The following MTHFD2L variants were observed in gnomAD, a reference collection of about 807,000 sequenced individuals.
The protein encoded by MTHFD2L is methylenetetrahydrofolate dehydrogenase (NADP+ dependent) 2 like.
In MTHFD2L, 29 loss-of-function variants were observed where a neutral mutation model predicts 34.9. That is an observed-to-expected ratio of 0.83 (90% CI 0.62 to 1.13). MTHFD2L has a LOEUF of 1.13. Among genes scored for constraint, MTHFD2L ranks in the 50% most tolerant of loss-of-function variants. The probability of loss-of-function intolerance (pLI) is 0.00; values close to 1 mark genes in which losing one functional copy is unlikely to be tolerated. For synonymous variants in MTHFD2L, 167 were observed against 155.7 expected (o/e 1.07, Z -0.54); for missense variants, 481 against 446.5 (o/e 1.08, Z -0.70).
chr4:74,213,290 T>C (rs1317504643), intron 5 of MTHFD2L, among the ~76,000 whole-genome samples: 1 of 152,182 alleles, frequency 6.6e-6, no homozygotes, highest in Admixed American at 6.5e-5. Context: ...TTCTTCATAG[T>C]TTCCATGGTC....
rs183918024 is a variant in MTHFD2L at position 74,275,919 on chromosome 4, T to C, written c.806-5506T>C. Among the ~76,000 whole-genome samples, 6 of 152,318 alleles carry C rather than the reference T, an allele frequency of 3.9e-5. No individual in the cohort carries two copies. The East Asian group carries it at 1.2e-3, about 29-fold the overall frequency. On this transcript the variant is annotated intron_variant, in intron 6 of 7. Coordinates refer to ENST00000325278, the MANE Select transcript of MTHFD2L (RefSeq NM_001144978.3). ...TGTTGCCTGTTCACTCTGATGATAG[T>C]TTCTTTTGCTGTGCAGAAGCACTTT...
chr4:74,177,707 A>G (rs1157730184), intron 3 of MTHFD2L, among the ~76,000 whole-genome samples: 1 of 151,946 alleles, frequency 6.6e-6, no homozygotes. Flanking sequence ...TCAAAAAATT[A>G]AAAATAGAAT....
At chr4:74,175,512 G>A in intron 3 of MTHFD2L, 109 bp downstream of exon 3, 1 of 1,199,316 alleles carries the variant, frequency 8.3e-7, no homozygotes, top group Non-Finnish European at 1.2e-6. Context: ...CATTCAGAAG[G>A]AGACTAGCTA....
At chr4:74,133,273 T>C (rs1384947535) in intron 1 of MTHFD2L, among the ~76,000 whole-genome samples, 1 of 152,202 alleles carries the variant, frequency 6.6e-6, no homozygotes, top group Non-Finnish European at 1.5e-5. Flanking sequence ...AGTTCAATTA[T>C]TATATGCCTT....
chr4:74,292,926 C>T (rs901581327), intron 7 of MTHFD2L, among the ~76,000 whole-genome samples: 10 of 152,018 alleles, frequency 6.6e-5, no homozygotes, highest in Admixed American at 5.9e-4. Context: ...CAATCTCAAA[C>T]TTTCTCCAGG....
At chr4:74,128,021 A>G (rs1722203495) in intron 1 of MTHFD2L, among the ~76,000 whole-genome samples, 2 of 152,026 alleles carry the variant, frequency 1.3e-5, no homozygotes, top group Admixed American at 6.6e-5. Flanking sequence ...TTTTTTTCAT[A>G]TAACTGTTGG....
upstream of MTHFD2L, among the ~76,000 whole-genome samples, chr4:74,125,082 G>A (rs1721978568): frequency 6.6e-6 from 1 of 152,276 alleles, no homozygotes; most frequent in Admixed American, 6.5e-5. Flanking sequence ...ACATTGTGGG[G>A]AGGTAGATAA....
intron 6 of MTHFD2L, among the ~76,000 whole-genome samples, chr4:74,272,591 C>A (rs1468624608): frequency 6.6e-6 from 1 of 151,900 alleles, no homozygotes; most frequent in Non-Finnish European, 1.5e-5. Context: ...GAGTAACTCC[C>A]TGTTCAGGGA....
intron 5 of MTHFD2L, among the ~76,000 whole-genome samples, chr4:74,210,925 G>C (rs868244857): frequency 6.6e-6 from 1 of 151,988 alleles, no homozygotes; most frequent in Non-Finnish European, 1.5e-5. Context: ...TGTATTCCTA[G>C]GTATTTTATT....
chr4:74,132,244 T>C (rs910880416), intron 1 of MTHFD2L, among the ~76,000 whole-genome samples: 5 of 152,300 alleles, frequency 3.3e-5, no homozygotes, highest in Non-Finnish European at 7.3e-5. Context: ...ACTGGATATA[T>C]ACCCAAAGGA....
intron 6 of MTHFD2L, among the ~76,000 whole-genome samples, chr4:74,231,310 C>T (rs566398823): frequency 2.6e-5 from 4 of 152,088 alleles, no homozygotes; most frequent in Non-Finnish European, 5.9e-5. Flanking sequence ...TGTATTTCCT[C>T]CTCCTTGAAA....
intron 1 of MTHFD2L, among the ~76,000 whole-genome samples, chr4:74,172,794 A>T (rs899222145): frequency 6.6e-6 from 1 of 152,202 alleles, no homozygotes; most frequent in Non-Finnish European, 1.5e-5. Flanking sequence ...TTACATCAAA[A>T]TTGCATGAAC....
chr4:74,224,334 C>G (rs775242753), intron 5 of MTHFD2L, among the ~76,000 whole-genome samples: 2 of 152,088 alleles, frequency 1.3e-5, no homozygotes, highest in Non-Finnish European at 2.9e-5. Context: ...TGTCATTCTC[C>G]GCATTTCTTT....
chr4:74,235,213 G>C (rs984772482), intron 6 of MTHFD2L, among the ~76,000 whole-genome samples: 1 of 152,126 alleles, frequency 6.6e-6, no homozygotes, highest in Non-Finnish European at 1.5e-5. Context: ...TTGAATTTTA[G>C]AAAGATCACT....
At chr4:74,121,459 T>C (rs1030440385), upstream of MTHFD2L, among the ~76,000 whole-genome samples, 2 of 150,652 alleles carry the variant, frequency 1.3e-5, no homozygotes, top group Non-Finnish European at 2.9e-5. Context: ...GATTATGGAG[T>C]AGACTGGACA....
At chr4:74,196,702 A>G (rs377184776) in intron 3 of MTHFD2L, among the ~76,000 whole-genome samples, 1 of 152,222 alleles carries the variant, frequency 6.6e-6, no homozygotes, top group East Asian at 1.9e-4. Flanking sequence ...TAATCCCAGC[A>G]CTTTGGGAGG....
chr4:74,260,446 C>T (rs1341645684), intron 6 of MTHFD2L, among the ~76,000 whole-genome samples: 1 of 152,248 alleles, frequency 6.6e-6, no homozygotes, highest in Non-Finnish European at 1.5e-5. Context: ...GCTCTCTGAT[C>T]TCTAGGTTAA....
chr4:74,122,533 C>T (rs1446076541), upstream of MTHFD2L, among the ~76,000 whole-genome samples: 1 of 152,172 alleles, frequency 6.6e-6, no homozygotes, highest in Non-Finnish European at 1.5e-5. Flanking sequence ...GGTGGGGACA[C>T]AGAGCCAACC....
rs901311966 is a variant in MTHFD2L at position 74,254,519 on chromosome 4, C to A, written c.806-26906C>A. 1.3e-5 allele frequency among the ~76,000 whole-genome samples: 2 copies of A among 148,682 alleles called. 1 individual carries two copies. The highest frequency in any genetic ancestry group is 3.0e-5 in the Non-Finnish European group (2 of 67,544). Reference sequence around the variant, plus strand: ...AATAAAAACAAACAAATAGAACTATCAACTAAGTATAATATATCAGCAAAA... The same window carrying A: ...AATAAAAACAAACAAATAGAACTATAAACTAAGTATAATATATCAGCAAAA... On this transcript the variant is annotated intron_variant, in intron 6 of 7. Transcript: ENST00000325278.
Sources: gnomAD v4.1 joint callset for allele counts (sites outside exome capture counted in the v4.1 genomes callset) on GRCh38, gnomAD v4.1.1 for gene constraint, MANE v1.5 for transcripts, NCBI Gene and HGNC (gene_info 2026-07-23, HGNC 2026-07-21) for gene names.